Variants in SETX observed in about 807,000 individuals in gnomAD.
The protein encoded by SETX is helicase senataxin.
Under a neutral mutation model 227.2 loss-of-function variants are expected in SETX, and 90 were observed. The ratio of observed to expected loss-of-function variants is 0.40; its 90% CI spans 0.33 to 0.47. The LOEUF is 0.47. SETX is among the 20% of genes least tolerant of loss of function. The pLI, the probability that SETX is intolerant of heterozygous loss-of-function variation, is 0.91. For synonymous variants in SETX, 1,210 were observed against 1,113.2 expected, an observed-to-expected ratio of 1.09 and a Z score of -1.73; for missense variants, 3,052 against 3,181.5, an observed-to-expected ratio of 0.96 and a Z score of 0.98.
At chr9:132,333,383 G>C (rs936853716) in intron 7 of SETX, among the ~76,000 whole-genome samples, 2 of 7,346 alleles carry the variant, frequency 2.7e-4, no homozygotes, top group African/African-American at 7.6e-4. Flanking sequence ...GTCTCAAAAA[G>C]AAAAAAAAAA....
rs1847038080 is a variant in SETX, at chr9:132,328,972, T to C, written c.2626A>G (p.Ile876Val). ...CAATTGTTTTCATGGAAAGAGAAAA[T>C]AACTAATTCTTCATTCTTTAATTGT... is the stretch of plus-strand genomic sequence containing the variant. Reference protein sequence around the residue: ...EKQLKNEELVIFSFHENNCKI... With the variant: ...EKQLKNEELVVFSFHENNCKI... Residue 876 changes from isoleucine to valine, a missense_variant, in exon 10 of 26, where the codon ATT becomes GTT. Coordinates refer to ENST00000224140, the MANE Select transcript of SETX (RefSeq NM_015046.7). 6.2e-7 allele frequency: 1 copy of C among 1,608,008 alleles called. No individual in the cohort carries two copies. Among genetic ancestry groups the C allele is most frequent in the Non-Finnish European group, 8.5e-7 (1 of 1,178,230 alleles).
chr9:132,294,765 A>G (rs985099575), intron 15 of SETX, among the ~76,000 whole-genome samples: 1 of 152,204 alleles, frequency 6.6e-6, no homozygotes, highest in African/African-American at 2.4e-5. Context: ...TCCTGACCGC[A>G]GGTGCACTCG....
At chr9:132,268,214 C>A (rs912299948) in intron 25 of SETX, among the ~76,000 whole-genome samples, 3 of 152,206 alleles carry the variant, frequency 2.0e-5, no homozygotes, top group Admixed American at 1.3e-4. Context: ...AAGGAAAGTA[C>A]TGAGAGGTTG....
chr9:132,281,648 G>A, intron 19 of SETX, 74 bp from the exon 20 acceptor site: 2 of 1,053,346 alleles, frequency 1.9e-6, no homozygotes, highest in South Asian at 2.5e-5. Flanking sequence ...TCTGATTAAA[G>A]TTCTAACCAT....
chr9:132,317,717 C>T (rs1409591689), intron 10 of SETX, among the ~76,000 whole-genome samples: 1 of 152,048 alleles, frequency 6.6e-6, no homozygotes, highest in Non-Finnish European at 1.5e-5. Context: ...CTGGCCTCTG[C>T]CTCCCAAAAT....
At position 132,338,131 on chromosome 9, in the gene SETX, G is replaced by A. The variant is rs576900053; in HGVS notation, c.499-1616C>T. On this transcript the variant is annotated intron_variant, in intron 5 of 25. Coordinates refer to ENST00000224140, the MANE Select transcript of SETX (RefSeq NM_015046.7). ...TTTTGAGACAGAGTCTTACTCTATCGCCCAGGCTGGCATGCAGTGGCACCA... is the reference window on the plus strand; with the variant it reads ...TTTTGAGACAGAGTCTTACTCTATCACCCAGGCTGGCATGCAGTGGCACCA... Among the ~76,000 whole-genome samples the A allele has an allele frequency of 3.4e-4, 46 of 134,144 alleles. 1 individual carries two copies. Among genetic ancestry groups the A allele is most frequent in the Non-Finnish European group, 4.8e-4 (31 of 65,150 alleles). The allele number at this position is 134,144 out of a possible 152,430, so 88.0% of individuals were successfully genotyped here. A position where few individuals can be genotyped will look rare whatever the true frequency, so the allele number is the denominator to read the frequency against.
At chr9:132,288,182 A>C (rs1327640985) in intron 17 of SETX, 54 bp downstream of exon 17, 10 of 1,436,366 alleles carry the variant, frequency 7.0e-6, no homozygotes, top group Non-Finnish European at 9.7e-6. Flanking sequence ...TCTCAAAAAA[A>C]ACTTGTTAAC....
At chr9:132,313,936 T>G (rs1456060043) in intron 10 of SETX, among the ~76,000 whole-genome samples, 2 of 151,970 alleles carry the variant, frequency 1.3e-5, no homozygotes, top group African/African-American at 4.8e-5. Flanking sequence ...TTTGGTTTTT[T>G]TTTTTGTTTT....
chr9:132,322,842 ATC>A (rs1491439544), intron 10 of SETX, among the ~76,000 whole-genome samples: 112,385 of 139,168 alleles, frequency 0.81, 43,065 homozygotes, highest in Non-Finnish European at 0.86. Context: ...CTTTAAAATT[ATC>A]ATAAACTTTA....
chr9:132,288,501 A>T (rs544370617), intron 16 of SETX, 49 bp downstream of exon 16: 1 of 1,521,046 alleles, frequency 6.6e-7, no homozygotes, highest in East Asian at 2.3e-5. Context: ...GTCATTTTCC[A>T]CCAAACAAAA....
chr9:132,343,442 T>C (rs2131544585), intron 4 of SETX, among the ~76,000 whole-genome samples: 1 of 152,322 alleles, frequency 6.6e-6, no homozygotes, highest in African/African-American at 2.4e-5. Context: ...GTATCTTATG[T>C]TTTGATCCAC....
intron 15 of SETX, among the ~76,000 whole-genome samples, chr9:132,290,332 T>G (rs1431183326): frequency 6.6e-6 from 1 of 152,062 alleles, no homozygotes; most frequent in Non-Finnish European, 1.5e-5. Flanking sequence ...ATCCCAGCAC[T>G]CTGGGAGGCC....
Position 132,300,762 on chromosome 9 carries a change from T to C in SETX, c.5416A>G (p.Lys1806Glu). ...ECELAKQLYP[K>E]ENDLVFLAPE... ...GCTAAAAACACCAAATCGTTTTCCT[T>C]TGGATAAAGCTGTTTAGCCAGTTCA... The change falls in exon 12 of 26, where the codon AAG becomes GAG. Residue 1806 changes from lysine to glutamate, a missense_variant. Physicochemically the swap from Lys to Glu is moderately conservative, Grantham distance 56 (BLOSUM62 1). Around this residue, in one of 10 missense-constraint regions of SETX, gnomAD observed 239 missense variants for 272.1 expected, o/e 0.88. Coordinates refer to ENST00000224140, the MANE Select transcript of SETX (RefSeq NM_015046.7). The C allele has an allele frequency of 6.2e-7, 1 of 1,613,524 alleles. No homozygotes were observed. Among genetic ancestry groups the C allele is most frequent in the East Asian group, 2.2e-5 (1 of 44,784 alleles).
At chr9:132,269,837 G>T in intron 24 of SETX, 135 bp from the exon 25 acceptor site, 1 of 859,596 alleles carries the variant, frequency 1.2e-6, no homozygotes, top group Non-Finnish European at 1.9e-6. Context: ...CAGTGAGCCC[G>T]AGACACAGGT....
chr9:132,282,178 G>C (rs2131205414), intron 19 of SETX, among the ~76,000 whole-genome samples: 1 of 151,884 alleles, frequency 6.6e-6, no homozygotes, highest in East Asian at 1.9e-4. Flanking sequence ...CGTAAGTTCA[G>C]AAGGCCATGC....
rs1448071668 is a variant in SETX, at chr9:132,327,677, T to C, written c.3921A>G (p.Val1307=). The change falls in exon 10 of 26, where the codon GTA becomes GTG. Residue 1307 remains valine, a synonymous_variant. Transcript: ENST00000224140. ...TTTTGCCATGATCACGTAATTGAGC[T>C]ACATAATCCAAAGACCGCTGGGACA... ...YELSQRSLDY[V]AQLRDHGKTV... 1.9e-6 allele frequency: 3 copies of C among 1,613,736 alleles called. No homozygotes were observed. Among genetic ancestry groups the C allele is most frequent in the Admixed American group, 1.7e-5 (1 of 59,914 alleles).
At chr9:132,282,037 AAG>A (rs1843553654) in intron 19 of SETX, among the ~76,000 whole-genome samples, 1 of 151,138 alleles carries the variant, frequency 6.6e-6, no homozygotes, top group African/African-American at 2.4e-5. Context: ...AAAAAAAAAA[AAG>A]CAAGACTCCG....
At chr9:132,333,412 T>TACAC (rs1554822624) in intron 7 of SETX, among the ~76,000 whole-genome samples, 12 of 104,050 alleles carry the variant, frequency 1.2e-4, no homozygotes, top group African/African-American at 4.5e-4. Context: ...AAAAAAAATA[T>TACAC]ATATACACAC....
At chr9:132,348,530 A>G (rs1848436916) in intron 3 of SETX, among the ~76,000 whole-genome samples, 1 of 152,222 alleles carries the variant, frequency 6.6e-6, no homozygotes. Context: ...ACTAAAAGCA[A>G]CAGATCATAA....
Sources: allele counts gnomAD v4.1 joint callset (sites outside exome capture counted in the v4.1 genomes callset), GRCh38; gene constraint gnomAD v4.1.1; regional missense constraint gnomAD v4.1.1; transcripts MANE v1.5; gene names NCBI Gene and HGNC (gene_info 2026-07-23, HGNC 2026-07-21).